The following POFUT3 variants were observed in gnomAD, a reference collection of about 807,000 sequenced individuals.
POFUT3 encodes GDP-fucose protein O-fucosyltransferase 3.
At chr8:33,320,609 C>T in the POFUT3 span, among the ~76,000 whole-genome samples, 3 of 152,072 alleles carry the variant, frequency 2.0e-5, no homozygotes, top group Non-Finnish European at 4.4e-5. Flanking sequence ...TGAGATCTGT[C>T]ACGTCAGATG....
At chr8:33,322,925 T>C in the POFUT3 span, among the ~76,000 whole-genome samples, 1 of 152,092 alleles carries the variant, frequency 6.6e-6, no homozygotes, top group Non-Finnish European at 1.5e-5. Flanking sequence ...CTGAGGTGGG[T>C]TTTCCCAATA....
At chr8:33,314,043 C>CT in the POFUT3 span, among the ~76,000 whole-genome samples, 1 of 152,142 alleles carries the variant, frequency 6.6e-6, no homozygotes, top group Non-Finnish European at 1.5e-5. Context: ...ACTCTGCCTA[C>CT]TTTATGCTAG....
the POFUT3 span, among the ~76,000 whole-genome samples, chr8:33,470,956 AT>A: frequency 1.2e-3 from 174 of 150,742 alleles, 1 homozygote; most frequent in African/African-American, 3.2e-3. Context: ...ATTTCCGGAA[AT>A]TTTTTTTTTA....
chr8:33,340,095 G>A, the POFUT3 span, among the ~76,000 whole-genome samples: 1 of 152,056 alleles, frequency 6.6e-6, no homozygotes, highest in South Asian at 2.1e-4. Flanking sequence ...TATAAGTGGA[G>A]AAGGGTAAAG....
the POFUT3 span, among the ~76,000 whole-genome samples, chr8:33,379,923 C>G: frequency 1.8e-5 from 2 of 110,614 alleles, no homozygotes; most frequent in Admixed American, 1.1e-4. Flanking sequence ...TATATATATA[C>G]ACTATATATA....
chr8:33,330,184 G>A, the POFUT3 span, among the ~76,000 whole-genome samples: 1 of 152,128 alleles, frequency 6.6e-6, no homozygotes, highest in Non-Finnish European at 1.5e-5. Flanking sequence ...AGTGGCTCAC[G>A]CTTATAATCC....
chr8:33,463,036 G>A, the POFUT3 span, among the ~76,000 whole-genome samples: 3 of 152,250 alleles, frequency 2.0e-5, no homozygotes, highest in South Asian at 4.1e-4. Context: ...GGAGCTCAGA[G>A]TGGAGGAAGG....
At chr8:33,317,167 A>C in the POFUT3 span, among the ~76,000 whole-genome samples, 1 of 152,176 alleles carries the variant, frequency 6.6e-6, no homozygotes, top group Admixed American at 6.6e-5. Context: ...GTAGCAAAAG[A>C]AGTTATAGCC....
chr8:33,429,307 T>C, the POFUT3 span, among the ~76,000 whole-genome samples: 1 of 152,140 alleles, frequency 6.6e-6, no homozygotes, highest in Admixed American at 6.6e-5. Flanking sequence ...AGTTTAGTTA[T>C]GACATGCCTC....
At chr8:33,389,745 A>T in the POFUT3 span, 6 of 1,614,100 alleles carry the variant, frequency 3.7e-6, 1 homozygote, top group Non-Finnish European at 5.1e-6. Flanking sequence ...AAAACAGCCC[A>T]GTCATGATGG....
chr8:33,339,456 C>T, the POFUT3 span, among the ~76,000 whole-genome samples: 1 of 152,070 alleles, frequency 6.6e-6, no homozygotes, highest in Admixed American at 6.6e-5. Flanking sequence ...AAAAGATCTA[C>T]CATTTGTGTA....
At chr8:33,403,498 T>C in the POFUT3 span, among the ~76,000 whole-genome samples, 1 of 151,836 alleles carries the variant, frequency 6.6e-6, no homozygotes. Context: ...GGAGAATCAT[T>C]TGAGGCCAGA....
chr8:33,471,935 G>A, the POFUT3 span, among the ~76,000 whole-genome samples: 1 of 152,186 alleles, frequency 6.6e-6, no homozygotes, highest in Non-Finnish European at 1.5e-5. Context: ...TTTTAAAACG[G>A]AGACTACGGT....
chr8:33,457,348 T>C, the POFUT3 span, among the ~76,000 whole-genome samples: 4 of 151,888 alleles, frequency 2.6e-5, no homozygotes, highest in Non-Finnish European at 5.9e-5. Context: ...ATACAAAAAT[T>C]AGCTGTGCGT....
chr8:33,398,584 G>A, the POFUT3 span, among the ~76,000 whole-genome samples: 43,050 of 151,926 alleles, frequency 0.28, 7,003 homozygotes, highest in East Asian at 0.57. Context: ...CCTCTTCCCA[G>A]GGAGAAGAGC....
the POFUT3 span, chr8:33,339,055 G>A: frequency 6.6e-6 from 1 of 151,720 alleles, no homozygotes; most frequent in Non-Finnish European, 1.5e-5. Context: ...CAAACTAAAT[G>A]AAAAAAGACA....
chr8:33,327,394 CTCTTTAAAGGAATATATCTTCT>C, the POFUT3 span, among the ~76,000 whole-genome samples: 1 of 152,150 alleles, frequency 6.6e-6, no homozygotes, highest in Non-Finnish European at 1.5e-5. Context: ...ACACTGGAAA[CTCTTTAAAGGAATATATCTTCT>C]TCATTTGCTA....
chr8:33,470,632 C>T, the POFUT3 span, among the ~76,000 whole-genome samples: 4 of 152,008 alleles, frequency 2.6e-5, no homozygotes, highest in Non-Finnish European at 4.4e-5. Context: ...ACAAGATACT[C>T]GAATTAAAAT....
the POFUT3 span, among the ~76,000 whole-genome samples, chr8:33,449,899 T>C: frequency 6.6e-6 from 1 of 151,790 alleles, no homozygotes; most frequent in South Asian, 2.1e-4. Context: ...CAAATTCAAA[T>C]TTCTTACTTT....
Sources: gnomAD v4.1 joint callset for allele counts (sites outside exome capture counted in the v4.1 genomes callset) on GRCh38, gnomAD v4.1.1 for gene constraint, MANE v1.5 for transcripts, NCBI Gene and HGNC (gene_info 2026-07-23, HGNC 2026-07-21) for gene names.